The following CTDSPL2 variants were observed in gnomAD, a reference collection of about 807,000 sequenced individuals.
CTDSPL2 encodes CTD small phosphatase like 2, also known as CTD small phosphatase-like protein 2.
In CTDSPL2, 5 loss-of-function variants were observed where a neutral mutation model predicts 60.0. That is an observed-to-expected ratio of 0.08 (90% CI 0.04 to 0.18). The LOEUF is 0.18. Among genes scored for constraint, CTDSPL2 ranks in the 10% least tolerant of loss-of-function variants. The pLI, the probability that CTDSPL2 is intolerant of heterozygous loss-of-function variation, is 1.00. For missense variants in CTDSPL2, 370 were observed against 548.8 expected (o/e 0.67, Z 3.26); for synonymous variants, 186 against 189.3 (o/e 0.98, Z 0.14).
intron 3 of CTDSPL2, among the ~76,000 whole-genome samples, chr15:44,484,730 ACT>A (rs1224217119): frequency 6.6e-6 from 1 of 152,084 alleles, no homozygotes; most frequent in Non-Finnish European, 1.5e-5. Context: ...ACAGAGTGAG[ACT>A]CTGTCTCAAA....
chr15:44,516,472 ATAAG>A (rs899631433), intron 10 of CTDSPL2, among the ~76,000 whole-genome samples: 2 of 152,242 alleles, frequency 1.3e-5, no homozygotes, highest in Admixed American at 6.5e-5. Context: ...AAGGGTCAAA[ATAAG>A]TAAGCTGCAG....
intron 1 of CTDSPL2, among the ~76,000 whole-genome samples, chr15:44,430,069 GGAAGT>G (rs569804266): frequency 1.3e-5 from 2 of 152,118 alleles, no homozygotes; most frequent in Non-Finnish European, 2.9e-5. Context: ...TAAGAATTGG[GGAAGT>G]CTTTTCTTTT....
chr15:44,460,687 T>G (rs2080548227), intron 2 of CTDSPL2, among the ~76,000 whole-genome samples: 1 of 152,146 alleles, frequency 6.6e-6, no homozygotes. Flanking sequence ...GGTTTTAATT[T>G]TTGTTTTGGT....
intron 2 of CTDSPL2, among the ~76,000 whole-genome samples, chr15:44,465,251 A>G (rs2080662071): frequency 6.6e-6 from 1 of 152,202 alleles, no homozygotes; most frequent in African/African-American, 2.4e-5. Flanking sequence ...GATTTCTAAT[A>G]TGTAATTGAA....
chr15:44,495,395 A>G (rs968805295), intron 5 of CTDSPL2, among the ~76,000 whole-genome samples: 4 of 151,888 alleles, frequency 2.6e-5, no homozygotes, highest in African/African-American at 9.7e-5. Context: ...ATCCTAGCTA[A>G]CACTGTGAAA....
intron 2 of CTDSPL2, among the ~76,000 whole-genome samples, chr15:44,472,658 C>T (rs1373667326): frequency 6.6e-6 from 1 of 151,896 alleles, no homozygotes. Context: ...CCACTATGCC[C>T]AGCTAATTTC....
At chr15:44,449,168 CAT>C in intron 1 of CTDSPL2, 1 of 298,410 alleles carries the variant, frequency 3.4e-6, no homozygotes, top group Non-Finnish European at 6.8e-6. Context: ...CACTTGGTCT[CAT>C]ATCTGTTCCA....
chr15:44,522,751 T>TCAAAA (rs1485967926), intron 12 of CTDSPL2, among the ~76,000 whole-genome samples: 1 of 152,128 alleles, frequency 6.6e-6, no homozygotes, highest in Non-Finnish European at 1.5e-5. Context: ...AGACTTTGTC[T>TCAAAA]CAAAACAAAA....
rs2081164664 is a variant in CTDSPL2, at chr15:44,488,750, C to T, written c.476-2034C>T. Among the ~76,000 whole-genome samples, 3 of 152,054 alleles carry T rather than the reference C, an allele frequency of 2.0e-5. No individual in the cohort carries two copies. In the South Asian group the frequency reaches 6.2e-4, roughly 32 times the overall value. On this transcript the variant is annotated intron_variant, in intron 4 of 12. Transcript: ENST00000260327. Reference sequence around the variant, plus strand: ...AGGAGAATTGCTTGAACCTGGGAGGCCGAGGTTGCAGTGAGCTGAGATCGC... The same window carrying T: ...AGGAGAATTGCTTGAACCTGGGAGGTCGAGGTTGCAGTGAGCTGAGATCGC...
chr15:44,480,728 G>A (rs533451080), intron 2 of CTDSPL2, among the ~76,000 whole-genome samples: 4 of 151,998 alleles, frequency 2.6e-5, no homozygotes, highest in Admixed American at 6.6e-5. Context: ...AGCTGCTTGG[G>A]AGGCTGAGGC....
At chr15:44,517,155 G>C (rs1251846500) in intron 10 of CTDSPL2, 1 of 151,270 alleles carries the variant, frequency 6.6e-6, no homozygotes, top group Non-Finnish European at 1.5e-5. Flanking sequence ...GCGTTTCAAA[G>C]AGTAGATTGT....
At chr15:44,480,192 A>T (rs1247600506) in intron 2 of CTDSPL2, among the ~76,000 whole-genome samples, 1 of 151,876 alleles carries the variant, frequency 6.6e-6, no homozygotes, top group East Asian at 1.9e-4. Context: ...TAGACCCCCT[A>T]TGCTATTGGA....
chr15:44,433,699 C>T (rs1054673827), intron 1 of CTDSPL2, among the ~76,000 whole-genome samples: 3 of 151,944 alleles, frequency 2.0e-5, no homozygotes, highest in Non-Finnish European at 4.4e-5. Context: ...GAGACGGAGT[C>T]TCGCTCTGTC....
rs149327296 is a variant in CTDSPL2 at position 44,456,940 on chromosome 15, G to A, written c.-24-2051G>A. ...CGCCCAGGCTGGAGTGCAGTGGCGC[G>A]GTATTGGCTTACTGCAGCCTCAACC... is the stretch of plus-strand genomic sequence containing the variant. On this transcript the variant is annotated intron_variant, in intron 1 of 12. Transcript: ENST00000260327. 7.3e-3 allele frequency among the ~76,000 whole-genome samples: 1,085 copies of A among 148,946 alleles called. 12 individuals are homozygous for A. Among genetic ancestry groups the A allele is most frequent in the African/African-American group, 0.026 (1,035 of 40,378 alleles).
chr15:44,489,824 A>C (rs2081186426), intron 4 of CTDSPL2, among the ~76,000 whole-genome samples: 1 of 152,246 alleles, frequency 6.6e-6, no homozygotes, highest in African/African-American at 2.4e-5. Flanking sequence ...GTGAAGAATT[A>C]TATAGCCATG....
At chr15:44,448,342 A>T in intron 1 of CTDSPL2, 1 of 260,502 alleles carries the variant, frequency 3.8e-6, no homozygotes, top group Non-Finnish European at 7.8e-6. Context: ...TTTGTGCTCC[A>T]CAAAGCCCAT....
chr15:44,487,809 AT>A (rs1303156450), intron 4 of CTDSPL2, among the ~76,000 whole-genome samples: 3 of 152,132 alleles, frequency 2.0e-5, no homozygotes, highest in African/African-American at 7.2e-5. Context: ...GGTGAAAGCA[AT>A]TTTATTAAGA....
At chr15:44,512,249 A>G (rs1287636671) in intron 8 of CTDSPL2, among the ~76,000 whole-genome samples, 1 of 152,168 alleles carries the variant, frequency 6.6e-6, no homozygotes, top group Non-Finnish European at 1.5e-5. Context: ...ATGACGTTCA[A>G]AGGAAATGCT....
intron 10 of CTDSPL2, among the ~76,000 whole-genome samples, chr15:44,515,271 A>G (rs2140866348): frequency 6.6e-6 from 1 of 152,306 alleles, no homozygotes; most frequent in East Asian, 1.9e-4. Context: ...TTTTGAAAGC[A>G]AATTTATCTT....
Sources: allele counts gnomAD v4.1 joint callset (sites outside exome capture counted in the v4.1 genomes callset), GRCh38; gene constraint gnomAD v4.1.1; transcripts MANE v1.5; gene names NCBI Gene and HGNC (gene_info 2026-07-23, HGNC 2026-07-21).